CACNB2: variants seen among roughly 807,000 people sequenced by gnomAD.
CACNB2 encodes calcium voltage-gated channel auxiliary subunit beta 2, also known as voltage-dependent L-type calcium channel subunit beta-2.
CACNB2 carries 42 observed loss-of-function variants against 73.3 expected under a neutral mutation model. That is an observed-to-expected ratio of 0.57 (90% CI 0.45 to 0.74). The LOEUF is 0.74. Among genes scored for constraint, CACNB2 ranks in the 30% least tolerant of loss-of-function variants. The pLI is 0.00. For missense variants in CACNB2, 940 were observed against 853.0 expected (o/e 1.10, Z -1.27); for synonymous variants, 348 against 310.3 (o/e 1.12, Z -1.28).
chr10:18,401,890 G>T, intron 2 of CACNB2, 34 bp from the exon 3 acceptor site: 1 of 1,611,546 alleles, frequency 6.2e-7, no homozygotes, highest in South Asian at 1.1e-5. Context: ...ATCATAGACT[G>T]AATCTACTTT....
At chr10:18,452,972 C>T (rs540513382) in intron 3 of CACNB2, among the ~76,000 whole-genome samples, 4 of 152,284 alleles carry the variant, frequency 2.6e-5, no homozygotes, top group Admixed American at 2.6e-4. Flanking sequence ...AAAATCTCAT[C>T]TCCGCTGACA....
chr10:18,311,598 TA>T (rs1253807287), intron 2 of CACNB2, among the ~76,000 whole-genome samples: 2 of 152,144 alleles, frequency 1.3e-5, no homozygotes, highest in South Asian at 2.1e-4. Flanking sequence ...GAAAAGATGT[TA>T]AAAAAATTAT....
intron 2 of CACNB2, among the ~76,000 whole-genome samples, chr10:18,198,295 A>T (rs1044268930): frequency 6.6e-6 from 1 of 151,782 alleles, no homozygotes; most frequent in African/African-American, 2.4e-5. Flanking sequence ...TTTAAAGCTC[A>T]TATGTTCCCA....
chr10:18,401,900 T>G, intron 2 of CACNB2, 24 bp from the exon 3 acceptor site: 1 of 1,613,196 alleles, frequency 6.2e-7, no homozygotes, highest in Non-Finnish European at 8.5e-7. Flanking sequence ...GAATCTACTT[T>G]AAAATGTACA....
intron 2 of CACNB2, among the ~76,000 whole-genome samples, chr10:18,388,295 A>G (rs1328133700): frequency 6.6e-6 from 1 of 152,222 alleles, no homozygotes; most frequent in East Asian, 1.9e-4. Flanking sequence ...AATATAGTCT[A>G]GATTTTCTAA....
intron 2 of CACNB2, among the ~76,000 whole-genome samples, chr10:18,284,042 A>C (rs1689808471): frequency 6.6e-6 from 1 of 152,124 alleles, no homozygotes; most frequent in South Asian, 2.1e-4. Context: ...TCAAAAATAC[A>C]CTAATGTGAT....
intron 2 of CACNB2, among the ~76,000 whole-genome samples, chr10:18,230,494 T>C (rs1343782397): frequency 1.3e-5 from 2 of 152,334 alleles, no homozygotes; most frequent in East Asian, 1.9e-4. Context: ...ACAGCATGCA[T>C]GTACAGTATG....
At position 18,290,112 on chromosome 10, in the gene CACNB2, C is replaced by CTTTTTTTTTT. The variant is rs992393946; in HGVS notation, c.214-111794_214-111785dup. Among the ~76,000 whole-genome samples, 16 of 50,134 alleles carry CTTTTTTTTTT rather than the reference C, an allele frequency of 3.2e-4. 1 individual carries two copies. Among genetic ancestry groups the CTTTTTTTTTT allele is most frequent in the South Asian group, 9.6e-4 (1 of 1,046 alleles). The allele number at this position is 50,134 out of a possible 152,430, so 32.9% of individuals were successfully genotyped here. On this transcript the variant is annotated intron_variant, in intron 2 of 13. Transcript: ENST00000324631. ...TAAAGTTTTTTTCTTTTTTCTTTTTCTTTTTTTTTTTTTTTTTTTTTTTTT... is the reference window on the plus strand; with the variant it reads ...TAAAGTTTTTTTCTTTTTTCTTTTTCTTTTTTTTTTTTTTTTTTTTTTTTTTTTTTTTTTT...
intron 2 of CACNB2, among the ~76,000 whole-genome samples, chr10:18,374,290 G>A (rs569186061): frequency 6.6e-6 from 1 of 152,108 alleles, no homozygotes; most frequent in Non-Finnish European, 1.5e-5. Context: ...GTAGACCAGA[G>A]GGAAAAATGG....
In CACNB2 at chr10:18,169,713, T is replaced by A. The variant is rs143740614; in HGVS notation, c.213+18738T>A. ...GTCACAGTGTCTTCTTGCTTGTCAC[T>A]TGTAGTTACAGAACCAATCTTCCCA... On this transcript the variant is annotated intron_variant, in intron 2 of 13. Coordinates refer to ENST00000324631, the MANE Select transcript of CACNB2 (RefSeq NM_201596.3). 2.9e-3 allele frequency among the ~76,000 whole-genome samples: 438 copies of A among 152,332 alleles called. 2 individuals carry two copies. The highest frequency in any genetic ancestry group is 9.7e-3 in the African/African-American group (404 of 41,574).
intron 2 of CACNB2, among the ~76,000 whole-genome samples, chr10:18,265,096 A>T (rs888448111): frequency 3.9e-4 from 59 of 151,698 alleles, no homozygotes; most frequent in African/African-American, 1.4e-3. Flanking sequence ...TTTCCCTGAT[A>T]ACTAATGAAG....
chr10:18,140,767 C>A lies in CACNB2; in HGVS notation c.31C>A (p.Pro11Thr), dbSNP rs377258255. 90 of 1,597,010 alleles carry A rather than the reference C, an allele frequency of 5.6e-5. No homozygotes were observed. The highest frequency in any genetic ancestry group is 7.5e-5 in the Non-Finnish European group (88 of 1,173,452). The change falls in exon 1 of 14, where the codon CCC becomes ACC. Residue 11 changes from proline to threonine, a missense_variant. Pro to Thr is a conservative substitution (Grantham distance 38, BLOSUM62 -1). Coordinates refer to ENST00000324631, the MANE Select transcript of CACNB2 (RefSeq NM_201596.3). ...CCAAAGGGACATGTCCAAGTCGCCT[C>A]CCACAGCGGCGGCGGCGGTGGCGCA... is the stretch of plus-strand genomic sequence containing the variant. MVQRDMSKSP[P>T]TAAAAVAQEI...
At chr10:18,357,731 G>C (rs928582867) in intron 2 of CACNB2, among the ~76,000 whole-genome samples, 1 of 152,198 alleles carries the variant, frequency 6.6e-6, no homozygotes, top group Non-Finnish European at 1.5e-5. Flanking sequence ...GTCAAAGATC[G>C]TGAGAGGAGG....
chr10:18,324,955 A>G (rs2040526050), intron 2 of CACNB2, among the ~76,000 whole-genome samples: 1 of 152,212 alleles, frequency 6.6e-6, no homozygotes, highest in Non-Finnish European at 1.5e-5. Flanking sequence ...GCCATGAAAG[A>G]TGTGCTATTA....
intron 2 of CACNB2, among the ~76,000 whole-genome samples, chr10:18,160,826 A>G (rs774332828): frequency 2.6e-4 from 40 of 152,160 alleles, no homozygotes; most frequent in Non-Finnish European, 1.2e-4. Context: ...TGGAATCTTC[A>G]CATTTGATGA....
intron 2 of CACNB2, among the ~76,000 whole-genome samples, chr10:18,386,627 C>T (rs1235399444): frequency 1.3e-5 from 2 of 151,964 alleles, no homozygotes; most frequent in East Asian, 1.9e-4. Context: ...AGGACGGTCT[C>T]GATCTCCTGA....
rs1408213570 is a variant in CACNB2 at position 18,536,082 on chromosome 10, A to T, written c.1207-19A>T. The stretch of plus-strand genomic sequence containing the variant: ...TGGATGTAGTTATTACTCTGTTAAA[A>T]ACTCATTATCTTTTACAGGTTTTAC... On this transcript the variant is annotated intron_variant, in intron 11 of 13. Transcript: ENST00000324631. The T allele has an allele frequency of 1.4e-6, 2 of 1,473,084 alleles. No homozygotes were observed. Among genetic ancestry groups the T allele is most frequent in the Admixed American group, 1.7e-5 (1 of 59,768 alleles). The allele number at this position is 1,473,084 out of a possible 1,614,324, so 91.3% of individuals were successfully genotyped here.
At chr10:18,382,817 C>G (rs2043073431) in intron 2 of CACNB2, among the ~76,000 whole-genome samples, 1 of 152,168 alleles carries the variant, frequency 6.6e-6, no homozygotes, top group African/African-American at 2.4e-5. Context: ...GATTCCATGT[C>G]TCTCCTATTG....
chr10:18,230,783 G>T (rs1230004069), intron 2 of CACNB2, among the ~76,000 whole-genome samples: 1 of 151,444 alleles, frequency 6.6e-6, no homozygotes, highest in Non-Finnish European at 1.5e-5. Flanking sequence ...AATGATAAAT[G>T]ATCATTTCAA....
Sources: gnomAD v4.1 joint callset for allele counts (sites outside exome capture counted in the v4.1 genomes callset) on GRCh38, gnomAD v4.1.1 for gene constraint, MANE v1.5 for transcripts, NCBI Gene and HGNC (gene_info 2026-07-23, HGNC 2026-07-21) for gene names.